The following NUFIP1 variants were observed in gnomAD, a reference collection of about 807,000 sequenced individuals.
NUFIP1 encodes nuclear FMR1 interacting protein 1.
Under a neutral mutation model 56.2 loss-of-function variants are expected in NUFIP1, and 38 were observed. The observed-to-expected ratio is 0.68, with a 90% CI of 0.52 to 0.89. NUFIP1 has a LOEUF of 0.89. NUFIP1 is among the 40% of genes least tolerant of loss of function. NUFIP1 has a pLI of 0.00. For synonymous variants in NUFIP1, 215 were observed against 212.4 expected (o/e 1.01, Z -0.10); for missense variants, 567 against 605.8 (o/e 0.94, Z 0.67).
chr13:44,975,395 T>C (rs1332435944), intron 5 of NUFIP1, among the ~76,000 whole-genome samples: 2 of 152,044 alleles, frequency 1.3e-5, no homozygotes, highest in Admixed American at 1.3e-4. Flanking sequence ...GTTCCCCACC[T>C]CAGTAATAAG....
At chr13:44,988,457 A>C (rs1353749969) in intron 1 of NUFIP1, among the ~76,000 whole-genome samples, 2 of 152,132 alleles carry the variant, frequency 1.3e-5, no homozygotes, top group East Asian at 3.9e-4. Flanking sequence ...CTGTCTCCAA[A>C]AAAAAAGAAA....
At chr13:44,961,898 T>C (rs946927608) in intron 6 of NUFIP1, among the ~76,000 whole-genome samples, 1 of 152,226 alleles carries the variant, frequency 6.6e-6, no homozygotes, top group Non-Finnish European at 1.5e-5. Context: ...ATGACATCTA[T>C]AAGACTTAAT....
At position 44,980,729 on chromosome 13, in the gene NUFIP1, T is replaced by A. The variant is rs773001098; in HGVS notation, c.587A>T (p.His196Leu). 2 of 1,592,424 alleles carry A rather than the reference T, an allele frequency of 1.3e-6. No homozygotes were observed. Among genetic ancestry groups the A allele is most frequent in the Non-Finnish European group, 1.7e-6 (2 of 1,173,206 alleles). Residue 196 changes from histidine (H) to leucine (L), a missense_variant, in exon 3 of 10, where the codon CAT (histidine) becomes CTT (leucine). His to Leu is a moderately conservative substitution (Grantham distance 99). Transcript: ENST00000379161. ...QEKYDKHMSE[H>L]TKCPELDCSF... is the part of the protein sequence containing the mutation. The stretch of plus-strand genomic sequence containing the variant: ...ACAACTAAGAAAACCTACTTTTGTA[T>A]GTTCAGACATGTGTTTGTCATACTT...
At chr13:44,983,126 C>G (rs1872253716) in intron 1 of NUFIP1, among the ~76,000 whole-genome samples, 1 of 152,086 alleles carries the variant, frequency 6.6e-6, no homozygotes, top group East Asian at 1.9e-4. Flanking sequence ...AGTCCTGGGA[C>G]TGCAAGCGTG....
In NUFIP1 at chr13:44,939,546, A is replaced by AATATTTAC. The variant is rs1870661542; in HGVS notation, c.*1652_*1659dup. On this transcript the variant is annotated 3_prime_UTR_variant, in exon 10 of 10. Transcript: ENST00000379161. The stretch of plus-strand genomic sequence containing the variant: ...CCCTCTACCCACCCAAAACTCATAG[A>AATATTTAC]ATATTTACAAATATTGACCATATAA... 6.6e-6 allele frequency: 1 copy of AATATTTAC among 151,986 alleles called. No homozygotes were observed. Among genetic ancestry groups the AATATTTAC allele is most frequent in the Non-Finnish European group, 1.5e-5 (1 of 68,030 alleles). 9.4% of individuals were successfully genotyped at this position (151,986 alleles called of 1,614,324 possible). A position where few individuals can be genotyped will look rare whatever the true frequency, so the allele number is the denominator to read the frequency against.
At chr13:44,978,038 C>A (rs1181306320) in intron 5 of NUFIP1, among the ~76,000 whole-genome samples, 2 of 152,130 alleles carry the variant, frequency 1.3e-5, no homozygotes, top group Non-Finnish European at 2.9e-5. Flanking sequence ...GACAGAGACT[C>A]TGACTCAAAA....
chr13:44,965,742 G>A, intron 6 of NUFIP1, 102 bp downstream of exon 6: 1 of 475,462 alleles, frequency 2.1e-6, no homozygotes, highest in Admixed American at 4.1e-5. Context: ...ATCTTTTTAA[G>A]TAAATAAGTT....
chr13:44,964,583 G>A (rs1593364055), intron 6 of NUFIP1, among the ~76,000 whole-genome samples: 1 of 152,174 alleles, frequency 6.6e-6, no homozygotes, highest in Non-Finnish European at 1.5e-5. Flanking sequence ...AAGACATCTA[G>A]AGCTTCAGGA....
At chr13:44,976,500 G>C (rs374238243) in intron 5 of NUFIP1, among the ~76,000 whole-genome samples, 16 of 151,832 alleles carry the variant, frequency 1.1e-4, no homozygotes, top group African/African-American at 3.6e-4. Context: ...GGAGGAAGAA[G>C]AAACAACCAA....
At chr13:44,965,977 G>T in intron 5 of NUFIP1, 41 bp from the exon 6 acceptor site, 1 of 1,217,248 alleles carries the variant, frequency 8.2e-7, no homozygotes. Flanking sequence ...GGCTTTTAGA[G>T]TACAATTTTA....
rs542541636 is a variant in NUFIP1 at position 44,948,829 on chromosome 13, G to A, written c.1138+893C>T. Among the ~76,000 whole-genome samples, 46 of 152,212 alleles carry A rather than the reference G, an allele frequency of 3.0e-4. No homozygotes were observed. In the South Asian group the frequency reaches 4.4e-3, roughly 14 times the overall value. On this transcript the variant is annotated intron_variant, in intron 8 of 9. Coordinates refer to ENST00000379161, the MANE Select transcript of NUFIP1 (RefSeq NM_012345.3). ...ACCATCCGTAACATCATCTTTAAAG[G>A]TAAGACATGTATTCTGAAAGTTACT...
At chr13:44,943,957 A>C (rs1421046573) in intron 8 of NUFIP1, among the ~76,000 whole-genome samples, 10 of 152,218 alleles carry the variant, frequency 6.6e-5, no homozygotes, top group Non-Finnish European at 1.3e-4. Context: ...ATCTATACAA[A>C]GGAAGGATAA....
chr13:44,941,241 G>A lies in NUFIP1; in HGVS notation c.1453C>T (p.Leu485=). Reference sequence around the variant, plus strand: ...TTACTTTTCGCAGAATTAGTATCCAGTCCAAAAAAGTCTTTTTTGATGATG... The same window carrying A: ...TTACTTTTCGCAGAATTAGTATCCAATCCAAAAAAGTCTTTTTTGATGATG... ...RYIIKKDFFG[L]DTNSAKSKDV Residue 485 remains leucine, a synonymous_variant, in exon 10 of 10, where the codon CTG becomes TTG. Coordinates refer to ENST00000379161, the MANE Select transcript of NUFIP1 (RefSeq NM_012345.3). 6.2e-7 allele frequency: 1 copy of A among 1,608,206 alleles called. No individual in the cohort carries two copies. Among genetic ancestry groups the A allele is most frequent in the Non-Finnish European group, 8.5e-7 (1 of 1,176,496 alleles).
In NUFIP1 at chr13:44,985,426, C is replaced by T. The variant is rs187853923; in HGVS notation, c.413-3272G>A. 1.7e-3 allele frequency among the ~76,000 whole-genome samples: 264 copies of T among 152,266 alleles called. 2 individuals carry two copies. Among genetic ancestry groups the T allele is most frequent in the African/African-American group, 6.2e-3 (257 of 41,558 alleles). On this transcript the variant is annotated intron_variant, in intron 1 of 9. Transcript: ENST00000379161. ...AGTCCCCACCTTTAAGGTATAAAAG[C>T]ACATCTCATTTCACTGCACTTCGTT...
chr13:44,980,543 A>T (rs904573775), intron 3 of NUFIP1, among the ~76,000 whole-genome samples, 179 bp downstream of exon 3: 5 of 152,186 alleles, frequency 3.3e-5, no homozygotes, highest in Non-Finnish European at 5.9e-5. Context: ...TCGTCCCTGA[A>T]GCAGCGGGAT....
intron 7 of NUFIP1, among the ~76,000 whole-genome samples, chr13:44,958,152 T>C (rs913841326): frequency 6.6e-6 from 1 of 152,176 alleles, no homozygotes; most frequent in Non-Finnish European, 1.5e-5. Context: ...GACTTCATAT[T>C]TAGAGGATGT....
intron 8 of NUFIP1, among the ~76,000 whole-genome samples, chr13:44,945,090 T>G (rs964255365): frequency 6.6e-6 from 1 of 151,792 alleles, no homozygotes; most frequent in Non-Finnish European, 1.5e-5. Context: ...AAACCAGAAG[T>G]TGGTTCTTTG....
intron 8 of NUFIP1, among the ~76,000 whole-genome samples, chr13:44,948,919 G>A (rs1437185321): frequency 1.3e-5 from 2 of 152,104 alleles, no homozygotes; most frequent in Non-Finnish European, 1.5e-5. Context: ...ACAAGCTAAT[G>A]CAGACACAAG....
chr13:44,942,045 T>G (rs1870758443), intron 9 of NUFIP1, among the ~76,000 whole-genome samples: 1 of 151,784 alleles, frequency 6.6e-6, no homozygotes, highest in African/African-American at 2.4e-5. Context: ...GTAGCTGGGA[T>G]TACAGGCATG....
Sources: allele counts gnomAD v4.1 joint callset (sites outside exome capture counted in the v4.1 genomes callset), GRCh38; gene constraint gnomAD v4.1.1; transcripts MANE v1.5; gene names NCBI Gene and HGNC (gene_info 2026-07-23, HGNC 2026-07-21).